DSC3: variants seen among roughly 807,000 people sequenced by gnomAD.
The protein encoded by DSC3 is desmocollin-3.
DSC3 carries 97 observed loss-of-function variants against 89.5 expected under a neutral mutation model. That is an observed-to-expected ratio of 1.08 (90% CI 0.92 to 1.28). DSC3 has a LOEUF of 1.28. DSC3 is among the 50% of genes most tolerant of loss of function. The pLI is 0.00. For synonymous variants in DSC3, 436 were observed against 384.1 expected (o/e 1.14, Z -1.58); for missense variants, 1,199 against 1,085.3 (o/e 1.10, Z -1.47).
intron 7 of DSC3, among the ~76,000 whole-genome samples, 196 bp downstream of exon 7, chr18:31,022,140 G>A (rs993967453): frequency 6.6e-6 from 1 of 151,958 alleles, no homozygotes; most frequent in African/African-American, 2.4e-5. Context: ...ATTGATCTGC[G>A]TTTCTAGTCC....
rs778756714 is a variant in DSC3 at position 31,024,366 on chromosome 18, A to G, written c.758T>C (p.Leu253Ser). 1 of 1,605,302 alleles carries G rather than the reference A, an allele frequency of 6.2e-7. No individual in the cohort carries two copies. The highest frequency in any genetic ancestry group is 1.1e-5 in the South Asian group (1 of 89,852). Residue 253 changes from leucine to serine, a missense_variant, in exon 6 of 16, where the codon TTG becomes TCG. By Grantham distance (145) the Leu-to-Ser change is moderately radical (BLOSUM62 -2). Transcript: ENST00000360428. ...FTEAIYNFEV[L>S]ESSRPGTTVG... ...AGACTTACCAGGTCTACTACTTTCCAAAACTTCAAAATTATAAATTGCTTC... is the reference window on the plus strand; with the variant it reads ...AGACTTACCAGGTCTACTACTTTCCGAAACTTCAAAATTATAAATTGCTTC...
At chr18:30,995,714 A>G (rs1984431700) in intron 15 of DSC3, among the ~76,000 whole-genome samples, 3 of 152,158 alleles carry the variant, frequency 2.0e-5, no homozygotes, top group Non-Finnish European at 2.9e-5. Context: ...GCTCATGCGT[A>G]TAATCCCGGC....
chr18:31,004,300 A>G lies in DSC3; in HGVS notation c.1955T>C (p.Val652Ala). ...GFQEYTIPIT[V>A]KDRAGQAATK... ...TGCAGCTTGGCCGGCCCTGTCTTTT[A>G]CAGTAATAGGAATGGTATATTCTTG... Residue 652 changes from valine (V) to alanine (A), a missense_variant, in exon 13 of 16, where the codon GTA (valine) becomes GCA (alanine). Val to Ala is a moderately conservative substitution (Grantham distance 64). Coordinates refer to ENST00000360428, the MANE Select transcript of DSC3 (RefSeq NM_001941.5). The G allele has an allele frequency of 6.2e-7, 1 of 1,614,042 alleles. No homozygotes were observed. Among genetic ancestry groups the G allele is most frequent in the Non-Finnish European group, 8.5e-7 (1 of 1,179,950 alleles).
Position 30,993,913 on chromosome 18 carries a change from G to GT in DSC3, c.*261dup, listed in dbSNP as rs1316935410. On this transcript the variant is annotated 3_prime_UTR_variant, in exon 16 of 16. Transcript: ENST00000360428. ...CAGCATATTTATTACTAAAATATCCGTAAAAAAAAAAAAGAGCAGATGCTT... is the reference window on the plus strand; with the variant it reads ...CAGCATATTTATTACTAAAATATCCGTTAAAAAAAAAAAAGAGCAGATGCTT... 5 of 328,302 alleles carry GT rather than the reference G, an allele frequency of 1.5e-5. No individual in the cohort carries two copies. Among genetic ancestry groups the GT allele is most frequent in the South Asian group, 6.9e-5 (2 of 28,824 alleles). The allele number at this position is 328,302 out of a possible 1,614,324, so 20.3% of individuals were successfully genotyped here. A position where few individuals can be genotyped will look rare whatever the true frequency, so the allele number is the denominator to read the frequency against.
intron 14 of DSC3, among the ~76,000 whole-genome samples, chr18:31,000,084 T>A (rs1269301813): frequency 1.3e-5 from 2 of 152,046 alleles, no homozygotes; most frequent in African/African-American, 4.8e-5. Context: ...TTTCTACATG[T>A]AGGCACGTCA....
intron 9 of DSC3, among the ~76,000 whole-genome samples, chr18:31,012,462 A>G (rs937304981): frequency 2.8e-4 from 43 of 152,178 alleles, no homozygotes; most frequent in Admixed American, 2.4e-3. Flanking sequence ...CTGGGTTTGT[A>G]TCTTGGCTGT....
chr18:30,999,569 G>T (rs1448270881), intron 14 of DSC3, among the ~76,000 whole-genome samples: 1 of 151,998 alleles, frequency 6.6e-6, no homozygotes, highest in Non-Finnish European at 1.5e-5. Context: ...TAAACTAAAA[G>T]CAATGCTGAG....
chr18:31,014,344 T>C (rs1207972273), intron 9 of DSC3, among the ~76,000 whole-genome samples: 4 of 152,140 alleles, frequency 2.6e-5, no homozygotes, highest in Admixed American at 1.3e-4. Context: ...TGTTTGTGTA[T>C]ATATAAAATA....
rs149316941 is a variant in DSC3 at position 31,007,505 on chromosome 18, A to T, written c.1664-374T>A. Among the ~76,000 whole-genome samples, 695 of 152,306 alleles carry T rather than the reference A, an allele frequency of 4.6e-3. 4 individuals carry two copies. The highest frequency in any genetic ancestry group is 0.016 in the African/African-American group (675 of 41,586). On this transcript the variant is annotated intron_variant, in intron 11 of 15. Transcript: ENST00000360428. ...TTCAAACCACTAGGAAGATTTTTTT[A>T]AAATATAAGATTCCTAGGCTCCACA...
intron 9 of DSC3, 74 bp from the exon 10 acceptor site, chr18:31,008,599 T>G: frequency 6.4e-7 from 1 of 1,571,224 alleles, no homozygotes; most frequent in Non-Finnish European, 8.7e-7. Flanking sequence ...AGTGAACATT[T>G]GTCATCCTGA....
chr18:31,027,989 A>C (rs1037213259), intron 4 of DSC3, among the ~76,000 whole-genome samples: 2 of 152,132 alleles, frequency 1.3e-5, no homozygotes, highest in African/African-American at 4.8e-5. Flanking sequence ...AGAAATAACA[A>C]GCATTTTATT....
Position 31,000,091 on chromosome 18 carries a change from G to A in DSC3, c.2235+1527C>T, listed in dbSNP as rs117726446. The stretch of plus-strand genomic sequence containing the variant: ...ATCACAGGTTTCTACATGTAGGCAC[G>A]TCAAGCATAGATGGGCTATGATTTT... On this transcript the variant is annotated intron_variant, in intron 14 of 15. Transcript: ENST00000360428. Among the ~76,000 whole-genome samples, 217 of 152,104 alleles carry A rather than the reference G, an allele frequency of 1.4e-3. 4 individuals carry two copies. In the East Asian group the frequency reaches 0.04, roughly 28 times the overall value.
chr18:31,025,658 C>T, intron 5 of DSC3, 102 bp downstream of exon 5: 1 of 1,278,610 alleles, frequency 7.8e-7, no homozygotes, highest in Non-Finnish European at 1.1e-6. Flanking sequence ...AAGATACCCT[C>T]TAAGAAGAGA....
chr18:31,026,246 C>G (rs371412739), intron 4 of DSC3, among the ~76,000 whole-genome samples: 21 of 151,778 alleles, frequency 1.4e-4, no homozygotes, highest in East Asian at 7.8e-4. Context: ...CAAGGAGTAG[C>G]AAGAAAGCCA....
intron 9 of DSC3, among the ~76,000 whole-genome samples, chr18:31,014,943 A>T (rs1313693): frequency 0.5 from 76,076 of 151,618 alleles, 19,916 homozygotes; most frequent in East Asian, 0.89. Flanking sequence ...TTGCCTTTTT[A>T]AAAAAATCAA....
chr18:31,028,274 A>G (rs76083513), intron 4 of DSC3, among the ~76,000 whole-genome samples: 153 of 152,236 alleles, frequency 1.0e-3, no homozygotes, highest in African/African-American at 3.5e-3. Context: ...TGATCAATGA[A>G]GTAAGTGGAA....
intron 9 of DSC3, among the ~76,000 whole-genome samples, chr18:31,015,849 T>A (rs1404353611): frequency 2.0e-5 from 3 of 152,058 alleles, no homozygotes; most frequent in Admixed American, 6.6e-5. Flanking sequence ...AGGTAGGAGA[T>A]CAGCAGGACT....
In DSC3 at chr18:30,993,714, C is replaced by T. The variant is rs535019623; in HGVS notation, c.*461G>A. ...AGTGCAGTAGGGGTGAGTCCCAATT[C>T]TTTATGAGCTGCAACATTTTTAATT... On this transcript the variant is annotated 3_prime_UTR_variant, in exon 16 of 16. Coordinates refer to ENST00000360428, the MANE Select transcript of DSC3 (RefSeq NM_001941.5). 5.9e-6 allele frequency: 1 copy of T among 168,830 alleles called. No homozygotes were observed. Among genetic ancestry groups the T allele is most frequent in the Non-Finnish European group, 1.3e-5 (1 of 78,200 alleles). 10.5% of individuals were successfully genotyped at this position (168,830 alleles called of 1,614,324 possible).
At chr18:31,042,423 T>C (rs1986163909) in intron 1 of DSC3, among the ~76,000 whole-genome samples, 169 bp downstream of exon 1, 1 of 152,184 alleles carries the variant, frequency 6.6e-6, no homozygotes, top group African/African-American at 2.4e-5. Context: ...ACACACGTTT[T>C]CTCTCCTCAC....
Sources: gnomAD v4.1 joint callset for allele counts (sites outside exome capture counted in the v4.1 genomes callset) on GRCh38, gnomAD v4.1.1 for gene constraint, MANE v1.5 for transcripts, NCBI Gene and HGNC (gene_info 2026-07-23, HGNC 2026-07-21) for gene names.